ADAMTS20: variants seen among roughly 807,000 people sequenced by gnomAD.
ADAMTS20 encodes ADAM metallopeptidase with thrombospondin type 1 motif 20.
In ADAMTS20, 225 loss-of-function variants were observed where a neutral mutation model predicts 260.1. The ratio of observed to expected loss-of-function variants is 0.87; its 90% confidence interval spans 0.78 to 0.97. The LOEUF (loss-of-function observed/expected upper bound fraction) is 0.97, where lower values mean the gene tolerates loss of function less well. Among genes scored for constraint, ADAMTS20 ranks in the 50% least tolerant of loss-of-function variants. The pLI, the probability that ADAMTS20 is intolerant of heterozygous loss-of-function variation, is 0.00. For missense variants in ADAMTS20, 2,400 were observed against 2,337.7 expected, an observed-to-expected ratio of 1.03 and a Z score of -0.55; for synonymous variants, 802 against 769.5, an observed-to-expected ratio of 1.04 and a Z score of -0.70.
At chr12:43,431,249 T>C in intron 22 of ADAMTS20, 83 bp downstream of exon 22, 1 of 1,420,202 alleles carries the variant, frequency 7.0e-7, no homozygotes, top group South Asian at 1.3e-5. Context: ...TTGCATCCAC[T>C]AAGGGAGGAG....
chr12:43,452,700 T>G lies in ADAMTS20; in HGVS notation c.1761-5A>C. 6.3e-7 allele frequency: 1 copy of G among 1,594,512 alleles called. No homozygotes were observed. Among genetic ancestry groups the G allele is most frequent in the East Asian group, 2.3e-5 (1 of 44,402 alleles). The stretch of plus-strand genomic sequence containing the variant: ...TAATTTCCTCCGTTTCTTGGCCTAG[T>G]CAAATTCATTACATTTTAAAGCACA... On this transcript the variant is annotated splice_region_variant and splice_polypyrimidine_tract_variant and intron_variant, in intron 12 of 38. Coordinates refer to ENST00000389420, the MANE Select transcript of ADAMTS20 (RefSeq NM_025003.5).
chr12:43,504,353 A>G (rs115256465), intron 3 of ADAMTS20, among the ~76,000 whole-genome samples: 6,066 of 152,238 alleles, frequency 0.04, 376 homozygotes, highest in African/African-American at 0.14. Context: ...GGCTACCTGT[A>G]TGTCTTCTTT....
chr12:43,383,342 T>C (rs559154658), intron 31 of ADAMTS20, among the ~76,000 whole-genome samples: 6 of 152,360 alleles, frequency 3.9e-5, no homozygotes, highest in South Asian at 2.1e-4. Flanking sequence ...AGTTGGCACC[T>C]ACTGACACTT....
Position 43,429,034 on chromosome 12 carries a change from T to C in ADAMTS20, c.3490-235A>G, listed in dbSNP as rs1257201393. 3.9e-5 allele frequency among the ~76,000 whole-genome samples: 6 copies of C among 152,000 alleles called. 1 individual carries two copies. Among genetic ancestry groups the C allele is most frequent in the Non-Finnish European group, 8.8e-5 (6 of 67,978 alleles). On this transcript the variant is annotated intron_variant, in intron 24 of 38. Coordinates refer to ENST00000389420, the MANE Select transcript of ADAMTS20 (RefSeq NM_025003.5). ...AATGTATAGTAATTTCAATAATACATAAATATAATGATTTAAAATAATGCT... is the reference window on the plus strand; with the variant it reads ...AATGTATAGTAATTTCAATAATACACAAATATAATGATTTAAAATAATGCT...
chr12:43,411,600 T>C (rs1168116545), intron 28 of ADAMTS20, among the ~76,000 whole-genome samples: 2 of 152,148 alleles, frequency 1.3e-5, no homozygotes, highest in Non-Finnish European at 2.9e-5. Flanking sequence ...ACTTCTGACC[T>C]CAGGTGATCC....
chr12:43,446,161 T>G (rs1941756394), intron 15 of ADAMTS20, among the ~76,000 whole-genome samples: 1 of 152,128 alleles, frequency 6.6e-6, no homozygotes, highest in Middle Eastern at 3.2e-3. Flanking sequence ...ATAAGAAATG[T>G]AACAGATAGG....
intron 28 of ADAMTS20, among the ~76,000 whole-genome samples, chr12:43,404,815 G>A (rs1319560111): frequency 1.3e-5 from 2 of 152,072 alleles, no homozygotes; most frequent in Non-Finnish European, 2.9e-5. Flanking sequence ...CTAAGATAAA[G>A]TTGATTATTG....
intron 28 of ADAMTS20, among the ~76,000 whole-genome samples, chr12:43,414,911 T>TA (rs1486016705): frequency 2.0e-5 from 3 of 152,070 alleles, no homozygotes; most frequent in Admixed American, 6.5e-5. Context: ...GGTCCCACAT[T>TA]AAAAACAATC....
At chr12:43,519,811 T>G (rs1041728303) in intron 3 of ADAMTS20, among the ~76,000 whole-genome samples, 5 of 152,180 alleles carry the variant, frequency 3.3e-5, no homozygotes, top group African/African-American at 1.2e-4. Context: ...ATTCAGAAAT[T>G]TATCTTATTT....
Position 43,432,471 on chromosome 12 carries a change from G to GA in ADAMTS20, c.2932-4dup. 6.4e-7 allele frequency: 1 copy of GA among 1,574,084 alleles called. No individual in the cohort carries two copies. The highest frequency in any genetic ancestry group is 1.9e-5 in the Admixed American group (1 of 51,574). On this transcript the variant is annotated splice_region_variant and splice_polypyrimidine_tract_variant and intron_variant, in intron 20 of 38. Coordinates refer to ENST00000389420, the MANE Select transcript of ADAMTS20 (RefSeq NM_025003.5). ...CCTCCTCCACAACTCCTGGAACACT[G>GA]ATTAAAAAAAAAAAAGTGGTAACTA...
chr12:43,376,963 G>A (rs1217694999), intron 32 of ADAMTS20, among the ~76,000 whole-genome samples: 1 of 152,162 alleles, frequency 6.6e-6, no homozygotes, highest in African/African-American at 2.4e-5. Context: ...ATCTCATTAA[G>A]TTATATGCTA....
rs192446812 is a variant in ADAMTS20, at chr12:43,451,803, T to C, written c.2079+471A>G. 1.6e-3 allele frequency among the ~76,000 whole-genome samples: 240 copies of C among 152,240 alleles called. 1 individual carries two copies. The highest frequency in any genetic ancestry group is 5.1e-3 in the African/African-American group (212 of 41,556). On this transcript the variant is annotated intron_variant, in intron 14 of 38. Coordinates refer to ENST00000389420, the MANE Select transcript of ADAMTS20 (RefSeq NM_025003.5). ...TCTTTTATCCTGGTGACTTGAACAG[T>C]ATCTGACATCTAGTAGCTACTCAAT... is the stretch of plus-strand genomic sequence containing the variant.
At chr12:43,365,490 A>G (rs1237040280) in intron 37 of ADAMTS20, among the ~76,000 whole-genome samples, 1 of 152,040 alleles carries the variant, frequency 6.6e-6, no homozygotes, top group African/African-American at 2.4e-5. Flanking sequence ...CAATAATGGC[A>G]CAAATAAGAC....
intron 28 of ADAMTS20, among the ~76,000 whole-genome samples, chr12:43,416,550 G>A (rs1417967103): frequency 2.7e-5 from 4 of 146,568 alleles, no homozygotes; most frequent in African/African-American, 5.1e-5. Context: ...TTGAGACGGA[G>A]TCTCACTCTG....
chr12:43,381,757 G>T (rs1940356876), intron 31 of ADAMTS20, among the ~76,000 whole-genome samples: 1 of 125,144 alleles, frequency 8.0e-6, no homozygotes, highest in African/African-American at 3.3e-5. Flanking sequence ...CTCCAGCTTG[G>T]GCAACAGAAC....
chr12:43,373,254 A>T (rs1344739850), intron 36 of ADAMTS20, among the ~76,000 whole-genome samples: 1 of 152,368 alleles, frequency 6.6e-6, no homozygotes, highest in Admixed American at 6.5e-5. Flanking sequence ...GCCCAGACCA[A>T]TGCCTGGCAA....
chr12:43,491,065 A>G (rs576650241), intron 6 of ADAMTS20, among the ~76,000 whole-genome samples: 1 of 152,276 alleles, frequency 6.6e-6, no homozygotes, highest in East Asian at 1.9e-4. Flanking sequence ...AGATTAAAGT[A>G]CAGTCATGCA....
At chr12:43,526,142 T>A (rs1592110613) in intron 3 of ADAMTS20, among the ~76,000 whole-genome samples, 1 of 152,086 alleles carries the variant, frequency 6.6e-6, no homozygotes, top group African/African-American at 2.4e-5. Context: ...AAAACAAATC[T>A]CAATACATTT....
intron 7 of ADAMTS20, among the ~76,000 whole-genome samples, chr12:43,470,124 AC>A (rs1250293367): frequency 7.9e-5 from 12 of 152,322 alleles, no homozygotes; most frequent in African/African-American, 2.4e-4. Context: ...TTAAGATTCT[AC>A]AATTCATGCT....
Sources: gnomAD v4.1 joint callset for allele counts (sites outside exome capture counted in the v4.1 genomes callset) on GRCh38, gnomAD v4.1.1 for gene constraint, MANE v1.5 for transcripts, NCBI Gene and HGNC (gene_info 2026-07-23, HGNC 2026-07-21) for gene names.